The following METAP2 variants were observed in gnomAD, a reference collection of about 807,000 sequenced individuals.
The protein encoded by METAP2 is methionine aminopeptidase 2.
In METAP2, 25 loss-of-function variants were observed where a neutral mutation model predicts 59.4. That is an observed-to-expected ratio of 0.42 (90% CI 0.31 to 0.59). The LOEUF (loss-of-function observed/expected upper bound fraction) is 0.59, where lower values mean the gene tolerates loss of function less well. Among genes scored for constraint, METAP2 ranks in the 20% least tolerant of loss-of-function variants. The probability of loss-of-function intolerance (pLI) is 0.16; values close to 1 mark genes in which losing one functional copy is unlikely to be tolerated. For missense variants in METAP2, 366 were observed against 581.2 expected (o/e 0.63, Z 3.81); for synonymous variants, 214 against 194.1 (o/e 1.10, Z -0.85).
chr12:95,503,660 C>A (rs573528742), intron 7 of METAP2, among the ~76,000 whole-genome samples: 7 of 152,276 alleles, frequency 4.6e-5, no homozygotes, highest in African/African-American at 1.7e-4. Context: ...CCCATACCCC[C>A]AAGCTGTGTG....
chr12:95,493,956 T>C, intron 4 of METAP2, 100 bp from the exon 5 acceptor site: 2 of 976,848 alleles, frequency 2.0e-6, no homozygotes, highest in East Asian at 2.5e-5. Context: ...GAATATGTAC[T>C]GTATTTTTAT....
intron 8 of METAP2, among the ~76,000 whole-genome samples, chr12:95,504,640 A>G (rs1314252053): frequency 2.6e-5 from 4 of 151,876 alleles, no homozygotes; most frequent in African/African-American, 9.7e-5. Flanking sequence ...GGTAGTTGGG[A>G]CTACAGGTGT....
Position 95,476,277 on chromosome 12 carries a change from C to T in METAP2, c.259+99C>T, listed in dbSNP as rs188920249. ...ATCCCAGCACTTTGGGAGGTCGAGG[C>T]GGGTGGATTACATAAGGTCAGTAGT... On this transcript the variant is annotated intron_variant, in intron 2 of 10. Coordinates refer to ENST00000323666, the MANE Select transcript of METAP2 (RefSeq NM_006838.4). 8.8e-4 allele frequency: 580 copies of T among 660,672 alleles called. 1 individual carries two copies. Among genetic ancestry groups the T allele is most frequent in the Middle Eastern group, 6.1e-3 (19 of 3,112 alleles). The allele number at this position is 660,672 out of a possible 1,614,324, so 40.9% of individuals were successfully genotyped here.
chr12:95,506,498 A>G (rs958620145), intron 8 of METAP2, among the ~76,000 whole-genome samples: 6 of 151,738 alleles, frequency 4.0e-5, no homozygotes, highest in African/African-American at 1.5e-4. Context: ...ACGGGGTTTC[A>G]CTATATTTGC....
chr12:95,511,389 GT>G (rs11301070), intron 8 of METAP2, among the ~76,000 whole-genome samples: 4,944 of 60,992 alleles, frequency 0.081, 83 homozygotes, highest in African/African-American at 0.14. Flanking sequence ...TTCTAGCACC[GT>G]TTTTTTTTTT....
chr12:95,488,740 C>G (rs1183335878), intron 4 of METAP2, among the ~76,000 whole-genome samples: 1 of 151,920 alleles, frequency 6.6e-6, no homozygotes, highest in African/African-American at 2.4e-5. Context: ...TGCTGTATTC[C>G]CATGTATATA....
At chr12:95,477,947 T>C (rs2076132251) in intron 2 of METAP2, among the ~76,000 whole-genome samples, 1 of 152,228 alleles carries the variant, frequency 6.6e-6, no homozygotes, top group Admixed American at 6.5e-5. Context: ...GTTTTGTAAA[T>C]TCAAGGCAAT....
chr12:95,479,594 T>G (rs543728941), intron 2 of METAP2, among the ~76,000 whole-genome samples: 1 of 151,886 alleles, frequency 6.6e-6, no homozygotes, highest in East Asian at 1.9e-4. Context: ...ATAATTTCCC[T>G]AAAATAATAG....
intron 7 of METAP2, among the ~76,000 whole-genome samples, chr12:95,498,072 G>T (rs1479573975): frequency 7.3e-5 from 11 of 151,418 alleles, no homozygotes; most frequent in African/African-American, 2.7e-4. Context: ...GGCGGAGCTT[G>T]CAGTGAGCCG....
chr12:95,483,359 C>A (rs1475796253), intron 3 of METAP2, 79 bp downstream of exon 3: 3 of 1,099,438 alleles, frequency 2.7e-6, no homozygotes, highest in East Asian at 2.6e-5. Context: ...ACCTGTGATC[C>A]CAGCTACTCC....
chr12:95,478,508 T>G (rs1219709228), intron 2 of METAP2, among the ~76,000 whole-genome samples: 1 of 152,140 alleles, frequency 6.6e-6, no homozygotes, highest in African/African-American at 2.4e-5. Flanking sequence ...GGTGGGTGCC[T>G]GTAATCCCAG....
At chr12:95,476,893 AGATATCCATTTTGTTTTTT>A (rs2076123824) in intron 2 of METAP2, among the ~76,000 whole-genome samples, 1 of 152,166 alleles carries the variant, frequency 6.6e-6, no homozygotes, top group South Asian at 2.1e-4. Flanking sequence ...ACTTGTGCTT[AGATATCCATTTTGTTTTTT>A]GGTAATGGAC....
At chr12:95,511,676 G>T (rs929391625) in intron 8 of METAP2, among the ~76,000 whole-genome samples, 5 of 152,146 alleles carry the variant, frequency 3.3e-5, no homozygotes, top group Non-Finnish European at 7.4e-5. Flanking sequence ...ACAGGCATGA[G>T]CCACTGCACC....
At chr12:95,501,067 A>G (rs929988252) in intron 7 of METAP2, among the ~76,000 whole-genome samples, 3 of 142,834 alleles carry the variant, frequency 2.1e-5, no homozygotes, top group Non-Finnish European at 4.5e-5. Context: ...GCTGGAGTAC[A>G]GTGGTATGAA....
intron 7 of METAP2, among the ~76,000 whole-genome samples, chr12:95,500,048 A>C (rs1171643096): frequency 6.6e-6 from 1 of 152,216 alleles, no homozygotes; most frequent in Non-Finnish European, 1.5e-5. Context: ...AAACCGTATC[A>C]GATGTGTTTC....
chr12:95,509,269 A>G (rs1333787025), intron 8 of METAP2, among the ~76,000 whole-genome samples: 1 of 152,228 alleles, frequency 6.6e-6, no homozygotes, highest in African/African-American at 2.4e-5. Context: ...TTTTAAAATA[A>G]GCTTGTTACT....
At position 95,505,282 on chromosome 12, in the gene METAP2, C is replaced by T. The variant is rs147513869; in HGVS notation, c.964+1121C>T. On this transcript the variant is annotated intron_variant, in intron 8 of 10. Transcript: ENST00000323666. ...TGCCTTCTATATAGACAGTTACCACCAACGTAACAGTCCTCTTTCATGTCT... is the reference window on the plus strand; with the variant it reads ...TGCCTTCTATATAGACAGTTACCACTAACGTAACAGTCCTCTTTCATGTCT... Among the ~76,000 whole-genome samples, 489 of 152,288 alleles carry T rather than the reference C, an allele frequency of 3.2e-3. 4 individuals carry two copies. Among genetic ancestry groups the T allele is most frequent in the African/African-American group, 0.011 (460 of 41,544 alleles).
chr12:95,494,254 A>G, intron 5 of METAP2, 37 bp downstream of exon 5: 1 of 1,583,196 alleles, frequency 6.3e-7, no homozygotes, highest in East Asian at 2.2e-5. Context: ...CATGATAAAA[A>G]ATGTTTTATT....
intron 1 of METAP2, among the ~76,000 whole-genome samples, chr12:95,475,309 G>A (rs952436728): frequency 4.6e-5 from 7 of 152,212 alleles, no homozygotes; most frequent in Non-Finnish European, 1.0e-4. Flanking sequence ...GGAATGGAAG[G>A]AGAGTTGTAG....
Sources: allele counts gnomAD v4.1 joint callset (sites outside exome capture counted in the v4.1 genomes callset), GRCh38; gene constraint gnomAD v4.1.1; transcripts MANE v1.5; gene names NCBI Gene and HGNC (gene_info 2026-07-23, HGNC 2026-07-21).